The following AOAH variants were observed in gnomAD, a reference collection of about 807,000 sequenced individuals.
The protein encoded by AOAH is acyloxyacyl hydrolase.
In AOAH, 64 loss-of-function variants were observed where a neutral mutation model predicts 92.2. The ratio of observed to expected loss-of-function variants is 0.69; its 90% confidence interval spans 0.57 to 0.86. The LOEUF (loss-of-function observed/expected upper bound fraction) is 0.86, where lower values mean the gene tolerates loss of function less well. Among genes scored for constraint, AOAH ranks in the 40% least tolerant of loss-of-function variants. AOAH has a pLI of 0.00. For missense variants in AOAH, 656 were observed against 694.6 expected (o/e 0.94, Z 0.62); for synonymous variants, 263 against 254.5 (o/e 1.03, Z -0.32).
chr7:36,549,993 C>A (rs1241931104), intron 13 of AOAH: 1 of 154,036 alleles, frequency 6.5e-6, no homozygotes, highest in Non-Finnish European at 1.4e-5. Flanking sequence ...TGATATATTT[C>A]AACTCTTGTA....
chr7:36,535,124 ATG>A (rs1784968626), intron 16 of AOAH, among the ~76,000 whole-genome samples: 1 of 108,058 alleles, frequency 9.3e-6, no homozygotes, highest in Non-Finnish European at 2.0e-5. Flanking sequence ...CTGTGTGTGT[ATG>A]TGTCTGCTTG....
At chr7:36,523,719 T>C (rs1281425718) in intron 19 of AOAH, among the ~76,000 whole-genome samples, 1 of 144,438 alleles carries the variant, frequency 6.9e-6, no homozygotes, top group Non-Finnish European at 1.5e-5. Flanking sequence ...CCTCTGGACT[T>C]GACACTCTGA....
chr7:36,677,970 G>A (rs1796359425), intron 2 of AOAH, among the ~76,000 whole-genome samples: 1 of 152,076 alleles, frequency 6.6e-6, no homozygotes, highest in Non-Finnish European at 1.5e-5. Context: ...GGGGGCGGAT[G>A]CTAAAAGGCA....
intron 19 of AOAH, among the ~76,000 whole-genome samples, chr7:36,526,584 A>T (rs1784406625): frequency 6.6e-6 from 1 of 152,258 alleles, no homozygotes; most frequent in Non-Finnish European, 1.5e-5. Context: ...ATAACTTAAA[A>T]TAGACCAATG....
chr7:36,656,211 T>C (rs1794879273), intron 4 of AOAH, among the ~76,000 whole-genome samples: 1 of 152,140 alleles, frequency 6.6e-6, no homozygotes, highest in South Asian at 2.1e-4. Flanking sequence ...GAATTCTACA[T>C]GAAATGATGC....
chr7:36,623,366 C>T, intron 6 of AOAH, 116 bp from the exon 7 acceptor site: 1 of 850,954 alleles, frequency 1.2e-6, no homozygotes, highest in Non-Finnish European at 1.8e-6. Context: ...CCACAGAGGG[C>T]CATTCTAAAC....
At chr7:36,526,439 G>A (rs1282548694) in intron 19 of AOAH, among the ~76,000 whole-genome samples, 1 of 152,172 alleles carries the variant, frequency 6.6e-6, no homozygotes, top group Non-Finnish European at 1.5e-5. Flanking sequence ...GTTTATCTCA[G>A]GATGAAATTC....
At chr7:36,581,177 TC>T (rs998497260) in intron 12 of AOAH, among the ~76,000 whole-genome samples, 1 of 152,156 alleles carries the variant, frequency 6.6e-6, no homozygotes, top group African/African-American at 2.4e-5. Flanking sequence ...ATGTAACCAA[TC>T]CCCAAGTCTT....
chr7:36,560,973 G>A (rs1787216748), intron 13 of AOAH, among the ~76,000 whole-genome samples: 1 of 152,032 alleles, frequency 6.6e-6, no homozygotes, highest in Non-Finnish European at 1.5e-5. Flanking sequence ...AACAGATGAG[G>A]TGGACACAGC....
intron 1 of AOAH, among the ~76,000 whole-genome samples, chr7:36,703,924 C>G (rs1798207012): frequency 6.6e-6 from 1 of 152,146 alleles, no homozygotes; most frequent in Non-Finnish European, 1.5e-5. Flanking sequence ...ACACTCCCAC[C>G]AACAGTGTAA....
chr7:36,688,873 A>G (rs1207382931), intron 1 of AOAH, among the ~76,000 whole-genome samples: 1 of 152,144 alleles, frequency 6.6e-6, no homozygotes. Context: ...ATCTATACAC[A>G]TGTATATGGG....
Position 36,530,527 on chromosome 7 carries a change from G to T in AOAH, c.1426-13C>A, listed in dbSNP as rs373194038. On this transcript the variant is annotated splice_polypyrimidine_tract_variant and intron_variant, in intron 18 of 20. Transcript: ENST00000617537. The stretch of plus-strand genomic sequence containing the variant: ...GTTGCTCTGCTCTCTGAAGAGAGAG[G>T]AAACAGGGAGAATTTCATGAAATCT... The T allele has an allele frequency of 5.6e-5, 87 of 1,556,092 alleles. No individual in the cohort carries two copies. Among genetic ancestry groups the T allele is most frequent in the Non-Finnish European group, 7.4e-5 (84 of 1,128,632 alleles).
In AOAH at chr7:36,539,768, C is replaced by T. The variant is rs527976030; in HGVS notation, c.1306+551G>A. 1.5e-4 allele frequency among the ~76,000 whole-genome samples: 23 copies of T among 152,274 alleles called. No individual in the cohort carries two copies. In the South Asian group the frequency reaches 3.9e-3, roughly 26 times the overall value. On this transcript the variant is annotated intron_variant, in intron 16 of 20. Transcript: ENST00000617537. ...CTCACAGGGTTAAGGATCACACCTT[C>T]CTAATGCAAATTACTAGCACTTTTA...
At chr7:36,662,874 A>T (rs930041536) in intron 3 of AOAH, among the ~76,000 whole-genome samples, 4 of 152,188 alleles carry the variant, frequency 2.6e-5, no homozygotes, top group African/African-American at 9.7e-5. Context: ...ATGATTTATC[A>T]TCAAAAAGAC....
intron 16 of AOAH, among the ~76,000 whole-genome samples, chr7:36,539,278 G>A (rs909755705): frequency 6.6e-6 from 1 of 152,194 alleles, no homozygotes; most frequent in Admixed American, 6.5e-5. Context: ...GGGCTCAGGA[G>A]GTGAGTGGGG....
At chr7:36,670,107 G>T (rs1052150559) in intron 3 of AOAH, among the ~76,000 whole-genome samples, 1 of 152,194 alleles carries the variant, frequency 6.6e-6, no homozygotes, top group Admixed American at 6.5e-5. Context: ...CTGTAGGAAG[G>T]AAATGTAATT....
At chr7:36,578,209 T>C (rs1384760335) in intron 12 of AOAH, among the ~76,000 whole-genome samples, 1 of 152,178 alleles carries the variant, frequency 6.6e-6, no homozygotes, top group African/African-American at 2.4e-5. Context: ...ATTGAGCACC[T>C]GCTACATTCC....
At chr7:36,523,223 C>T (rs186020995) in intron 19 of AOAH, among the ~76,000 whole-genome samples, 1 of 152,258 alleles carries the variant, frequency 6.6e-6, no homozygotes, top group East Asian at 1.9e-4. Context: ...GAAAGACTGC[C>T]CCTGAGACAC....
chr7:36,543,947 C>CTTTCTTTTTTT (rs55745823), intron 15 of AOAH, among the ~76,000 whole-genome samples: 42 of 91,026 alleles, frequency 4.6e-4, no homozygotes, highest in East Asian at 3.0e-3. Context: ...TTCTTTCTTT[C>CTTTCTTTTTTT]TTTTTTTTTT....
Sources: gnomAD v4.1 joint callset for allele counts (sites outside exome capture counted in the v4.1 genomes callset) on GRCh38, gnomAD v4.1.1 for gene constraint, MANE v1.5 for transcripts, NCBI Gene and HGNC (gene_info 2026-07-23, HGNC 2026-07-21) for gene names.